The following SMC2 variants were observed in gnomAD, a reference collection of about 807,000 sequenced individuals.
SMC2 encodes the protein structural maintenance of chromosomes protein 2.
Under a neutral mutation model 142.6 loss-of-function variants are expected in SMC2, and 41 were observed. The observed-to-expected ratio is 0.29, with a 90% CI of 0.22 to 0.37. SMC2 has a LOEUF of 0.37. Ranked by LOEUF, SMC2 falls within the 10% of genes least tolerant of loss-of-function variation. The probability of loss-of-function intolerance (pLI) is 1.00; values close to 1 mark genes in which losing one functional copy is unlikely to be tolerated. For missense variants in SMC2, 1,265 were observed against 1,373.7 expected, an observed-to-expected ratio of 0.92 and a Z score of 1.25; for synonymous variants, 463 against 457.5, an observed-to-expected ratio of 1.01 and a Z score of -0.15.
rs1482919163 is a variant in SMC2 at position 104,111,507 on chromosome 9, T to C, written c.1021-74T>C. On this transcript the variant is annotated intron_variant, in intron 9 of 24. Coordinates refer to ENST00000374793, the MANE Select transcript of SMC2 (RefSeq NM_006444.3). ...CAAATTGCTATGGAATTTTATTACA[T>C]AAGGGTATGCGTATAAGAAAGTGGG... 1.5e-5 allele frequency: 12 copies of C among 817,764 alleles called. 1 individual carries two copies. In the East Asian group the frequency reaches 3.2e-4, roughly 21 times the overall value. The allele number at this position is 817,764 out of a possible 1,614,324, so 50.7% of individuals were successfully genotyped here. A position where few individuals can be genotyped will look rare whatever the true frequency, so the allele number is the denominator to read the frequency against.
At position 104,114,826 on chromosome 9, in the gene SMC2, A is replaced by T; in HGVS notation, c.1668A>T (p.Thr556=). 1 of 1,593,106 alleles carries T rather than the reference A, an allele frequency of 6.3e-7. No individual in the cohort carries two copies. The highest frequency in any genetic ancestry group is 8.5e-7 in the Non-Finnish European group (1 of 1,173,782). Residue 556 remains threonine, a synonymous_variant, in exon 13 of 25, where the codon ACA becomes ACT. Transcript: ENST00000374793. ...GERLYNVVVD[T]EVTGKKLLER... ...GACTCTACAATGTTGTAGTAGACAC[A>T]GAAGTAAGTTGATTTTAATTTTAAA...
At chr9:104,129,592 A>T in intron 20 of SMC2, 53 bp from the exon 21 acceptor site, 3 of 1,350,922 alleles carry the variant, frequency 2.2e-6, no homozygotes, top group African/African-American at 2.9e-5. Flanking sequence ...TGGCTTATAC[A>T]TATTGGTTTG....
chr9:104,123,135 G>T lies in SMC2; in HGVS notation c.2160G>T (p.Glu720Asp). 6.2e-7 allele frequency: 1 copy of T among 1,611,770 alleles called. No homozygotes were observed. The highest frequency in any genetic ancestry group is 8.5e-7 in the Non-Finnish European group (1 of 1,178,828). Residue 720 changes from glutamate to aspartate, a missense_variant, in exon 17 of 25, where the codon GAG (glutamate) becomes GAT (aspartate). Glu to Asp is a conservative substitution (Grantham distance 45). Around this residue, in one of 4 missense-constraint regions of SMC2, gnomAD observed 898 missense variants for 904.2 expected, o/e 0.99. Transcript: ENST00000374793. Reference protein sequence around the residue: ...EKYRQLKQQWEMKTEEADLLQ... With the variant: ...EKYRQLKQQWDMKTEEADLLQ... The stretch of plus-strand genomic sequence containing the variant: ...ATCGCCAACTAAAACAGCAGTGGGA[G>T]ATGAAAACTGAAGAGGCAGATTTAT...
chr9:104,120,200 C>G, intron 16 of SMC2, 38 bp downstream of exon 16: 5 of 1,512,920 alleles, frequency 3.3e-6, no homozygotes, highest in Non-Finnish European at 4.4e-6. Flanking sequence ...TAAAGATTTG[C>G]ATAGTAGAAA....
intron 1 of SMC2, 117 bp from the exon 2 acceptor site, chr9:104,095,207 T>C (rs1830319318): frequency 5.4e-6 from 3 of 558,010 alleles, no homozygotes; most frequent in Non-Finnish European, 9.5e-6. Flanking sequence ...TCAGACAAGA[T>C]AGTTTGTCAA....
chr9:104,105,661 T>G (rs185852983), intron 9 of SMC2, among the ~76,000 whole-genome samples: 4 of 152,242 alleles, frequency 2.6e-5, no homozygotes, highest in Admixed American at 2.0e-4. Context: ...ACAGTTAAGT[T>G]AAAATGGCAT....
intron 9 of SMC2, among the ~76,000 whole-genome samples, chr9:104,109,145 T>G (rs1260757170): frequency 1.3e-5 from 2 of 152,180 alleles, no homozygotes; most frequent in East Asian, 3.8e-4. Context: ...GCTACTTAAT[T>G]AACATTTTTA....
At chr9:104,124,600 T>G (rs1464996887) in intron 17 of SMC2, among the ~76,000 whole-genome samples, 1 of 150,990 alleles carries the variant, frequency 6.6e-6, no homozygotes, top group Non-Finnish European at 1.5e-5. Flanking sequence ...AAGCATACAA[T>G]TGCATTAAAA....
At chr9:104,130,490 G>A (rs557179338) in intron 21 of SMC2, among the ~76,000 whole-genome samples, 85 of 152,210 alleles carry the variant, frequency 5.6e-4, no homozygotes, top group Non-Finnish European at 1.1e-3. Context: ...CTTCCTGAAT[G>A]CTGGAAAATT....
chr9:104,139,496 C>CT lies in SMC2; in HGVS notation c.*182dup. 2.2e-6 allele frequency: 1 copy of CT among 464,944 alleles called. No individual in the cohort carries two copies. The allele number at this position is 464,944 out of a possible 1,614,324, so 28.8% of individuals were successfully genotyped here. ...ATATATTCCTCATCTCTTAACTAGT[C>CT]TAATTATGGTCCAATTATTGTGGTT... On this transcript the variant is annotated 3_prime_UTR_variant, in exon 25 of 25. Coordinates refer to ENST00000374793, the MANE Select transcript of SMC2 (RefSeq NM_006444.3).
intron 2 of SMC2, among the ~76,000 whole-genome samples, chr9:104,095,830 A>C (rs931193662): frequency 7.9e-5 from 12 of 152,258 alleles, no homozygotes; most frequent in African/African-American, 2.9e-4. Flanking sequence ...ATGCCTTTTC[A>C]AATCCTATTA....
Position 104,116,275 on chromosome 9 carries a change from G to A in SMC2, c.1747G>A (p.Ala583Thr). The change falls in exon 14 of 25, where the codon GCC (alanine) becomes ACC (threonine). Residue 583 changes from alanine to threonine, a missense_variant. Physicochemically the swap from Ala to Thr is moderately conservative, Grantham distance 58. This residue lies in a region of SMC2 where 898 missense variants were observed against 904.2 expected (regional missense o/e 0.99). Transcript: ENST00000374793. ...TATAATTCCACTCAATAAAATTTCAGCCAGATGTATTGCACCAGAAACTCT... is the reference window on the plus strand; with the variant it reads ...TATAATTCCACTCAATAAAATTTCAACCAGATGTATTGCACCAGAAACTCT... The part of the protein sequence containing the change: ...YTIIPLNKIS[A>T]RCIAPETLRV... 1 of 1,609,160 alleles carries A rather than the reference G, an allele frequency of 6.2e-7. No homozygotes were observed. The highest frequency in any genetic ancestry group is 8.5e-7 in the Non-Finnish European group (1 of 1,178,298).
At chr9:104,101,899 T>A in intron 7 of SMC2, 61 bp from the exon 8 acceptor site, 2 of 1,030,922 alleles carry the variant, frequency 1.9e-6, no homozygotes, top group Admixed American at 4.5e-5. Flanking sequence ...TCATCTTGCA[T>A]AATTGAATTT....
intron 9 of SMC2, 29 bp downstream of exon 9, chr9:104,102,602 C>T: frequency 6.2e-7 from 1 of 1,601,510 alleles, no homozygotes; most frequent in Non-Finnish European, 8.5e-7. Flanking sequence ...CCACTAGTGC[C>T]ACTTGTAGAC....
intron 22 of SMC2, among the ~76,000 whole-genome samples, chr9:104,133,197 G>T (rs567955034): frequency 6.6e-6 from 1 of 151,504 alleles, no homozygotes; most frequent in African/African-American, 2.4e-5. Flanking sequence ...TCTTTATATC[G>T]ATCTATGAAT....
chr9:104,124,513 G>GTAAGCT (rs1221880154), intron 17 of SMC2, among the ~76,000 whole-genome samples: 1 of 152,066 alleles, frequency 6.6e-6, no homozygotes, highest in Non-Finnish European at 1.5e-5. Context: ...AGAACATAAA[G>GTAAGCT]TAAGCTTGTT....
At chr9:104,134,259 A>G (rs930954704) in intron 22 of SMC2, among the ~76,000 whole-genome samples, 156 bp from the exon 23 acceptor site, 1 of 152,190 alleles carries the variant, frequency 6.6e-6, no homozygotes, top group African/African-American at 2.4e-5. Flanking sequence ...TAAATGAATG[A>G]GCATATCCAG....
intron 21 of SMC2, 140 bp downstream of exon 21, chr9:104,129,985 T>C: frequency 1.5e-6 from 1 of 652,914 alleles, no homozygotes; most frequent in Admixed American, 2.9e-5. Context: ...CCTTTTTCTC[T>C]TTTCGTCATT....
chr9:104,103,977 G>T (rs957221493), intron 9 of SMC2, among the ~76,000 whole-genome samples: 1 of 151,800 alleles, frequency 6.6e-6, no homozygotes, highest in Non-Finnish European at 1.5e-5. Flanking sequence ...CTTGTTTTGG[G>T]TTCATTTTTC....
Sources: allele counts gnomAD v4.1 joint callset (sites outside exome capture counted in the v4.1 genomes callset), GRCh38; gene constraint gnomAD v4.1.1; regional missense constraint gnomAD v4.1.1; transcripts MANE v1.5; gene names NCBI Gene and HGNC (gene_info 2026-07-23, HGNC 2026-07-21).